AGAP3: variants seen among roughly 807,000 people sequenced by gnomAD.
The protein encoded by AGAP3 is arf-GAP with GTPase, ANK repeat and PH domain-containing protein 3.
A neutral mutation model predicts 96.9 loss-of-function variants in AGAP3; 24 were observed. That is an observed-to-expected ratio of 0.25 (90% CI 0.18 to 0.35). The LOEUF (loss-of-function observed/expected upper bound fraction) is 0.35, where lower values mean the gene tolerates loss of function less well. AGAP3 is among the 10% of genes least tolerant of loss of function. The pLI, the probability that AGAP3 is intolerant of heterozygous loss-of-function variation, is 1.00. For synonymous variants in AGAP3, 563 were observed against 536.1 expected (o/e 1.05, Z -0.69); for missense variants, 876 against 1,254.2 (o/e 0.70, Z 4.55).
chr7:151,087,965 C>G (rs1798228077), intron 1 of AGAP3, among the ~76,000 whole-genome samples: 1 of 152,260 alleles, frequency 6.6e-6, no homozygotes, highest in Non-Finnish European at 1.5e-5. Flanking sequence ...ACAGATGGGC[C>G]TCACCCTGGG....
chr7:151,115,288 G>T (rs1480222396), intron 1 of AGAP3: 44 of 1,002,584 alleles, frequency 4.4e-5, no homozygotes, highest in Non-Finnish European at 4.9e-5. Flanking sequence ...CTGCGCGGCG[G>T]GCGCGGGCCG....
At chr7:151,120,785 A>G in intron 8 of AGAP3, 1 of 1,180,966 alleles carries the variant, frequency 8.5e-7, no homozygotes, top group Non-Finnish European at 1.1e-6. Flanking sequence ...CTCACCCCTC[A>G]CAAACCTCAC....
At position 151,114,900 on chromosome 7, in the gene AGAP3, C is replaced by T; in HGVS notation, c.332-1893C>T. Reference sequence around the variant, plus strand: ...GGCCGGCCGCGCTGCCGCCGCCCTGCAGGCCGCCCTCTGCGCCGCCAGTGA... The same window carrying T: ...GGCCGGCCGCGCTGCCGCCGCCCTGTAGGCCGCCCTCTGCGCCGCCAGTGA... On this transcript the variant is annotated intron_variant, in intron 1 of 17. Coordinates refer to ENST00000397238, the MANE Select transcript of AGAP3 (RefSeq NM_031946.7). This position sits in a 1 kb window ranked among gnomAD's most constrained non-coding sequence, Gnocchi z 4.4. The T allele has an allele frequency of 1.0e-6, 1 of 997,080 alleles. No individual in the cohort carries two copies. The allele number at this position is 997,080 out of a possible 1,614,324, so 61.8% of individuals were successfully genotyped here. A position where few individuals can be genotyped will look rare whatever the true frequency, so the allele number is the denominator to read the frequency against.
chr7:151,115,395 G>A, intron 1 of AGAP3: 7 of 1,019,596 alleles, frequency 6.9e-6, no homozygotes, highest in Non-Finnish European at 8.2e-6. Flanking sequence ...AGGGCTGCTG[G>A]CCCGGCCGCC....
At chr7:151,117,965 CCTGTGACTAG>C (rs1163749749) in intron 5 of AGAP3, 188 bp downstream of exon 5, 7 of 918,746 alleles carry the variant, frequency 7.6e-6, no homozygotes, top group Non-Finnish European at 9.6e-6. Context: ...ACCTGCTGTC[CCTGTGACTAG>C]CAGGTCTGTG....
intron 9 of AGAP3, chr7:151,128,289 A>G (rs1389998081): frequency 4.8e-6 from 2 of 412,840 alleles, no homozygotes; most frequent in Admixed American, 7.0e-5. Flanking sequence ...CACCCCTGAC[A>G]GGCTTCTCCT....
In AGAP3 at chr7:151,142,837, C is replaced by T. The variant is rs536554360; in HGVS notation, c.2273+203C>T. Among the ~76,000 whole-genome samples the T allele has an allele frequency of 1.2e-3, 185 of 152,334 alleles. No individual in the cohort carries two copies. Among genetic ancestry groups the T allele is most frequent in the Non-Finnish European group, 2.2e-3 (148 of 68,030 alleles). On this transcript the variant is annotated intron_variant, in intron 16 of 17. Transcript: ENST00000397238. This position sits in a 1 kb window ranked among gnomAD's most constrained non-coding sequence, Gnocchi z 7.5. ...CTCACAACAACGGGCCCTTTCTGAG[C>T]GTTATCAGCAGGTCAGGGGCCAGCA... is the stretch of plus-strand genomic sequence containing the variant.
rs534430617 is a variant in AGAP3 at position 151,122,519 on chromosome 7, G to T, written c.1129-1275G>T. Among the ~76,000 whole-genome samples the T allele has an allele frequency of 3.0e-4, 45 of 151,330 alleles. 1 individual carries two copies. The highest frequency in any genetic ancestry group is 1.7e-3 in the South Asian group (8 of 4,766). On this transcript the variant is annotated intron_variant, in intron 8 of 17. Coordinates refer to ENST00000397238, the MANE Select transcript of AGAP3 (RefSeq NM_031946.7). ...GCCGCTGCCGCCCGCCGCCGCCGCC[G>T]CCTCCTCCTCCTCCTGGTCCTCCTC...
chr7:151,104,832 C>T (rs1041768100), intron 1 of AGAP3, among the ~76,000 whole-genome samples: 4 of 152,234 alleles, frequency 2.6e-5, no homozygotes, highest in Non-Finnish European at 4.4e-5. Flanking sequence ...AAGGAAGTGA[C>T]GTGACTGTCC....
Position 151,141,838 on chromosome 7 carries a change from G to C in AGAP3, c.1805-60G>C, listed in dbSNP as rs753478072. 2 of 1,609,658 alleles carry C rather than the reference G, an allele frequency of 1.2e-6. No individual in the cohort carries two copies. Among genetic ancestry groups the C allele is most frequent in the South Asian group, 2.2e-5 (2 of 90,902 alleles). On this transcript the variant is annotated intron_variant, in intron 13 of 17. Coordinates refer to ENST00000397238, the MANE Select transcript of AGAP3 (RefSeq NM_031946.7). The surrounding 1 kb of genome is among the most constrained non-coding windows in gnomAD (Gnocchi z 4.2). Reference sequence around the variant, plus strand: ...GGTAGTGAGTGGAGTTGTGGCGATAGCATGCCCTGGGTGTGCACGCAGGCC... The same window carrying C: ...GGTAGTGAGTGGAGTTGTGGCGATACCATGCCCTGGGTGTGCACGCAGGCC...
At position 151,118,776 on chromosome 7, in the gene AGAP3, G is replaced by C; in HGVS notation, c.969+144G>C. On this transcript the variant is annotated intron_variant, in intron 7 of 17. Coordinates refer to ENST00000397238, the MANE Select transcript of AGAP3 (RefSeq NM_031946.7). The surrounding 1 kb of genome is among the most constrained non-coding windows in gnomAD (Gnocchi z 6.1). ...GCCTTGCATGTTGCTTGGAAACATT[G>C]GTTGGAATTCCATTTAGCCGGCACC... is the stretch of plus-strand genomic sequence containing the variant. 1 of 1,239,006 alleles carries C rather than the reference G, an allele frequency of 8.1e-7. No individual in the cohort carries two copies. The highest frequency in any genetic ancestry group is 1.1e-6 in the Non-Finnish European group (1 of 879,686). The allele number at this position is 1,239,006 out of a possible 1,614,324, so 76.8% of individuals were successfully genotyped here. A position where few individuals can be genotyped will look rare whatever the true frequency, so the allele number is the denominator to read the frequency against.
chr7:151,105,481 C>G (rs1799003131), intron 1 of AGAP3, among the ~76,000 whole-genome samples: 1 of 151,424 alleles, frequency 6.6e-6, no homozygotes, highest in South Asian at 2.1e-4. Context: ...TTATGCCAGT[C>G]ATGGTGGCTC....
At chr7:151,094,232 A>AGAAG (rs990377251) in intron 1 of AGAP3, among the ~76,000 whole-genome samples, 1 of 151,764 alleles carries the variant, frequency 6.6e-6, no homozygotes, top group African/African-American at 2.4e-5. Context: ...TTATTCTGAA[A>AGAAG]GGCGGCAGGG....
chr7:151,144,236 C>T lies in AGAP3; in HGVS notation c.*293C>T, dbSNP rs964200256. On this transcript the variant is annotated 3_prime_UTR_variant, in exon 18 of 18. Coordinates refer to ENST00000397238, the MANE Select transcript of AGAP3 (RefSeq NM_031946.7). The stretch of plus-strand genomic sequence containing the variant: ...GCAGGACCTCTCCCTCCTCCAGATC[C>T]CTGCCTCCTAGTGCCAGCCCCTCAC... 3 of 417,672 alleles carry T rather than the reference C, an allele frequency of 7.2e-6. No individual in the cohort carries two copies. The highest frequency in any genetic ancestry group is 4.1e-5 in the Admixed American group (1 of 24,528). The allele number at this position is 417,672 out of a possible 1,614,324, so 25.9% of individuals were successfully genotyped here.
Position 151,143,545 on chromosome 7 carries a change from A to C in AGAP3, c.2478A>C (p.Leu826=), listed in dbSNP as rs1330323041. Residue 826 remains leucine, a synonymous_variant, in exon 17 of 18, where the codon CTA becomes CTC. Coordinates refer to ENST00000397238, the MANE Select transcript of AGAP3 (RefSeq NM_031946.7). The surrounding 1 kb of genome is among the most constrained non-coding windows in gnomAD (Gnocchi z 5.9). ...TYGDGDGRTA[L]HLSSAMANVV... is the part of the protein sequence containing the mutation. Reference sequence around the variant, plus strand: ...GGGACGGGGACGGGCGGACGGCTCTACATCTCTCCAGTGCCATGGCCAACG... The same window carrying C: ...GGGACGGGGACGGGCGGACGGCTCTCCATCTCTCCAGTGCCATGGCCAACG... 1 of 1,613,308 alleles carries C rather than the reference A, an allele frequency of 6.2e-7. No homozygotes were observed. The highest frequency in any genetic ancestry group is 1.3e-5 in the African/African-American group (1 of 74,920).
At chr7:151,120,462 T>C in intron 8 of AGAP3, 1 of 661,832 alleles carries the variant, frequency 1.5e-6, no homozygotes, top group Non-Finnish European at 2.7e-6. Flanking sequence ...GTCTGTGAGC[T>C]TGAAAGTATC....
intron 7 of AGAP3, 149 bp from the exon 8 acceptor site, chr7:151,119,838 C>T (rs1309509424): frequency 1.0e-5 from 7 of 670,418 alleles, no homozygotes; most frequent in East Asian, 3.0e-5. Flanking sequence ...GGTGAATGTT[C>T]CCCCCATATC....
At chr7:151,129,617 C>G (rs1800321905) in intron 10 of AGAP3, among the ~76,000 whole-genome samples, 1 of 152,208 alleles carries the variant, frequency 6.6e-6, no homozygotes. Flanking sequence ...CTCCACAGGG[C>G]AGGGCCTGGT....
intron 10 of AGAP3, among the ~76,000 whole-genome samples, chr7:151,129,350 C>A (rs1472259075): frequency 6.6e-6 from 1 of 152,166 alleles, no homozygotes; most frequent in Non-Finnish European, 1.5e-5. Flanking sequence ...CTGCCCCGCC[C>A]CGGCCCAGAA....
Sources: allele counts gnomAD v4.1 joint callset (sites outside exome capture counted in the v4.1 genomes callset), GRCh38; gene constraint gnomAD v4.1.1; non-coding constraint Gnocchi (gnomAD v3.1); transcripts MANE v1.5; gene names NCBI Gene and HGNC (gene_info 2026-07-23, HGNC 2026-07-21).